The following MMP26 variants were observed in gnomAD, a reference collection of about 807,000 sequenced individuals.
MMP26 encodes matrix metalloproteinase-26.
Under a neutral mutation model 31.0 loss-of-function variants are expected in MMP26, and 33 were observed. That is an observed-to-expected ratio of 1.06 (90% CI 0.81 to 1.42). MMP26 has a LOEUF of 1.42. MMP26 is among the 40% of genes most tolerant of loss of function. The probability of loss-of-function intolerance (pLI) is 0.00; values close to 1 mark genes in which losing one functional copy is unlikely to be tolerated. For missense variants in MMP26, 347 were observed against 316.1 expected, an observed-to-expected ratio of 1.10 and a Z score of -0.74; for synonymous variants, 122 against 114.9, an observed-to-expected ratio of 1.06 and a Z score of -0.40.
chr11:4,849,278 A>T, intron 2 of MMP26: 2 of 1,512,116 alleles, frequency 1.3e-6, no homozygotes, highest in South Asian at 2.6e-5. Flanking sequence ...TCGCGTGCCA[A>T]ATTTGCATGA....
At chr11:4,948,899 A>G (rs899883792) in intron 2 of MMP26, among the ~76,000 whole-genome samples, 1 of 124,414 alleles carries the variant, frequency 8.0e-6, no homozygotes, top group African/African-American at 2.7e-5. Context: ...CTCTCCTTCC[A>G]CTGTTGCTTT....
chr11:4,811,729 T>C (rs1367045639), intron 2 of MMP26, among the ~76,000 whole-genome samples: 1 of 152,130 alleles, frequency 6.6e-6, no homozygotes, highest in African/African-American at 2.4e-5. Context: ...ACCTGTGGTG[T>C]TTCATTTCTG....
At chr11:4,812,236 A>G (rs1330546226) in intron 2 of MMP26, among the ~76,000 whole-genome samples, 1 of 151,942 alleles carries the variant, frequency 6.6e-6, no homozygotes. Context: ...GTATATATAT[A>G]TGTATATGTA....
At chr11:4,723,129 G>C (rs1490612512) in intron 1 of MMP26, 3 of 1,585,590 alleles carry the variant, frequency 1.9e-6, no homozygotes, top group Non-Finnish European at 2.6e-6. Flanking sequence ...AGCTCGGACA[G>C]CTTGGAGTTG....
intron 1 of MMP26, among the ~76,000 whole-genome samples, chr11:4,724,476 T>C (rs1848069337): frequency 6.6e-6 from 1 of 152,222 alleles, no homozygotes; most frequent in Non-Finnish European, 1.5e-5. Context: ...GCAGTAGTAT[T>C]GTTCTTTTGA....
In MMP26 at chr11:4,882,731, T is replaced by C. The variant is rs145782471; in HGVS notation, c.-144-105337T>C. On this transcript the variant is annotated intron_variant, in intron 2 of 7. Transcript: ENST00000380390. ...CACCCCAAGGGTGCTCTGTAGCACT[T>C]TGGCCAATATTTATCTGCTCTTACC... 810 of 1,613,906 alleles carry C rather than the reference T, an allele frequency of 5.0e-4. 5 individuals carry two copies. The African/African-American group carries it at 8.7e-3, about 17-fold the overall frequency.
chr11:4,848,613 T>A, intron 2 of MMP26: 1 of 1,608,452 alleles, frequency 6.2e-7, no homozygotes, highest in Non-Finnish European at 8.5e-7. Context: ...ACCCCAAGCT[T>A]CTGGGCAGGC....
chr11:4,749,378 A>G (rs1265762260), intron 1 of MMP26, among the ~76,000 whole-genome samples: 4 of 152,042 alleles, frequency 2.6e-5, no homozygotes, highest in Non-Finnish European at 4.4e-5. Flanking sequence ...CTGCAGATTC[A>G]ATGTAATACC....
At chr11:4,919,182 T>C (rs1851144681) in intron 2 of MMP26, 1 of 152,246 alleles carries the variant, frequency 6.6e-6, no homozygotes, top group East Asian at 1.9e-4. Flanking sequence ...TTTACCATCC[T>C]TAGCAGGTGC....
At chr11:4,926,232 A>G (rs1851271239) in intron 2 of MMP26, among the ~76,000 whole-genome samples, 1 of 152,246 alleles carries the variant, frequency 6.6e-6, no homozygotes, top group South Asian at 2.1e-4. Flanking sequence ...AGCAAAAAAA[A>G]GGGATATAAA....
At chr11:4,710,165 A>T (rs1194687503) in intron 1 of MMP26, 2 of 456,646 alleles carry the variant, frequency 4.4e-6, no homozygotes, top group Admixed American at 4.7e-5. Context: ...TCAACAGTGC[A>T]TTTGGCCTGG....
chr11:4,920,962 A>G (rs373757476), intron 2 of MMP26, among the ~76,000 whole-genome samples: 1 of 152,356 alleles, frequency 6.6e-6, no homozygotes, highest in Non-Finnish European at 1.5e-5. Context: ...ACATAACACT[A>G]TATGAACAAG....
chr11:4,957,757 C>T (rs1322597151), intron 2 of MMP26, among the ~76,000 whole-genome samples: 1 of 151,918 alleles, frequency 6.6e-6, no homozygotes, highest in Non-Finnish European at 1.5e-5. Context: ...CGCCTCACTG[C>T]AACCTCCATC....
At chr11:4,962,738 T>C (rs539714498) in intron 2 of MMP26, among the ~76,000 whole-genome samples, 1 of 152,198 alleles carries the variant, frequency 6.6e-6, no homozygotes, top group Non-Finnish European at 1.5e-5. Flanking sequence ...TGCATTTACA[T>C]ACATTGTTGG....
intron 2 of MMP26, among the ~76,000 whole-genome samples, chr11:4,853,057 G>A (rs1849997619): frequency 6.6e-6 from 1 of 152,182 alleles, no homozygotes; most frequent in South Asian, 2.1e-4. Context: ...GGGATGTGGG[G>A]GAAATAGGGA....
At chr11:4,875,597 TGTCCA>T (rs1291257362) in intron 2 of MMP26, 2 of 152,104 alleles carry the variant, frequency 1.3e-5, no homozygotes, top group East Asian at 3.9e-4. Context: ...CAATAATTCA[TGTCCA>T]GTCCTGCTCA....
At chr11:4,857,535 A>C (rs143611766) in intron 2 of MMP26, among the ~76,000 whole-genome samples, 30,328 of 152,088 alleles carry the variant, frequency 0.2, 3,925 homozygotes, top group South Asian at 0.34. Flanking sequence ...GAAGAAGTTG[A>C]ATCCCTGAAT....
At chr11:4,978,403 T>G (rs1252455155) in intron 2 of MMP26, among the ~76,000 whole-genome samples, 1 of 152,114 alleles carries the variant, frequency 6.6e-6, no homozygotes, top group African/African-American at 2.4e-5. Flanking sequence ...AATTATTTTC[T>G]TTGCTTACTG....
At chr11:4,908,021 G>T (rs771515357) in intron 2 of MMP26, 1 of 1,614,028 alleles carries the variant, frequency 6.2e-7, no homozygotes, top group African/African-American at 1.3e-5. Context: ...TTTGTCTTAT[G>T]TGCTGATCTT....
Sources: allele counts gnomAD v4.1 joint callset (sites outside exome capture counted in the v4.1 genomes callset), GRCh38; gene constraint gnomAD v4.1.1; transcripts MANE v1.5; gene names NCBI Gene and HGNC (gene_info 2026-07-23, HGNC 2026-07-21).